The following LRRC63 variants were observed in gnomAD, a reference collection of about 807,000 sequenced individuals.
LRRC63 encodes leucine-rich repeat-containing protein 63.
Under a neutral mutation model 49.5 loss-of-function variants are expected in LRRC63, and 40 were observed. The observed-to-expected ratio is 0.81, with a 90% CI of 0.63 to 1.05. LRRC63 has a LOEUF of 1.05. LRRC63 is among the 50% of genes least tolerant of loss of function. The pLI is 0.00. For synonymous variants in LRRC63, 191 were observed against 221.1 expected, an observed-to-expected ratio of 0.86 and a Z score of 1.21; for missense variants, 636 against 663.1, an observed-to-expected ratio of 0.96 and a Z score of 0.45.
intron 5 of LRRC63, among the ~76,000 whole-genome samples, chr13:46,243,242 CA>C (rs1226782635): frequency 1.3e-5 from 2 of 152,156 alleles, no homozygotes; most frequent in African/African-American, 4.8e-5. Flanking sequence ...AAGTTGTCAT[CA>C]GTTTAAAATT....
intron 7 of LRRC63, among the ~76,000 whole-genome samples, chr13:46,258,764 A>G (rs1594089895): frequency 6.8e-6 from 1 of 146,356 alleles, no homozygotes; most frequent in East Asian, 2.1e-4. Context: ...AGCCAAGATC[A>G]CACCACTGCA....
chr13:46,222,691 C>T (rs1010331094), intron 2 of LRRC63, among the ~76,000 whole-genome samples: 19 of 151,778 alleles, frequency 1.3e-4, no homozygotes, highest in Middle Eastern at 3.4e-3. Context: ...TACCATTTGA[C>T]CCAGCCATCC....
chr13:46,224,430 A>G (rs1050848734), intron 2 of LRRC63, among the ~76,000 whole-genome samples: 2 of 152,060 alleles, frequency 1.3e-5, no homozygotes, highest in African/African-American at 4.8e-5. Flanking sequence ...AAAAATATCT[A>G]TCTATCTCTT....
At chr13:46,230,086 G>T (rs1212891817) in intron 4 of LRRC63, among the ~76,000 whole-genome samples, 2 of 152,076 alleles carry the variant, frequency 1.3e-5, no homozygotes, top group East Asian at 1.9e-4. Flanking sequence ...CTCCCACCAG[G>T]CCCCATGTCC....
At chr13:46,219,965 T>G (rs139611394) in intron 2 of LRRC63, among the ~76,000 whole-genome samples, 2,316 of 152,284 alleles carry the variant, frequency 0.015, 58 homozygotes, top group African/African-American at 0.052. Context: ...TGCCTGCTTC[T>G]TCCACTGGAA....
intron 9 of LRRC63, among the ~76,000 whole-genome samples, chr13:46,273,693 C>T (rs1194579037): frequency 6.6e-6 from 1 of 151,378 alleles, no homozygotes; most frequent in Non-Finnish European, 1.5e-5. Flanking sequence ...AGGCTGATCA[C>T]CTGAGGTCAG....
intron 2 of LRRC63, among the ~76,000 whole-genome samples, chr13:46,219,123 A>G (rs2046335652): frequency 6.6e-6 from 1 of 151,942 alleles, no homozygotes; most frequent in Non-Finnish European, 1.5e-5. Flanking sequence ...TGTTCCCTGT[A>G]TTTCCTGAAT....
chr13:46,250,465 T>A, exon 7 of LRRC63: 1 of 1,535,630 alleles, frequency 6.5e-7, no homozygotes, highest in Non-Finnish European at 8.8e-7. Context: ...CCATTGCTTT[T>A]AATTTAATTA....
At chr13:46,269,878 A>T (rs1055415927) in intron 9 of LRRC63, among the ~76,000 whole-genome samples, 52 of 145,662 alleles carry the variant, frequency 3.6e-4, no homozygotes, top group African/African-American at 1.3e-3. Context: ...AGATATATCT[A>T]CTGTATAGAT....
rs184047421 is a variant in LRRC63 at position 46,240,785 on chromosome 13, C to T, written c.991-5742C>T. Reference sequence around the variant, plus strand: ...GAATACAGCTAACCAAGGATGTGAACGATCTCTACAAGGAGAACTATGAAA... The same window carrying T: ...GAATACAGCTAACCAAGGATGTGAATGATCTCTACAAGGAGAACTATGAAA... On this transcript the variant is annotated intron_variant, in intron 5 of 9. Coordinates refer to ENST00000595396, the Ensembl canonical transcript of LRRC63. 1.2e-3 allele frequency among the ~76,000 whole-genome samples: 189 copies of T among 152,106 alleles called. 1 individual carries two copies. The highest frequency in any genetic ancestry group is 4.3e-3 in the African/African-American group (178 of 41,494).
chr13:46,255,645 A>AAAAAAAAAAAAAAAAATATATAT (rs1555328641), intron 7 of LRRC63, among the ~76,000 whole-genome samples: 2 of 129,468 alleles, frequency 1.5e-5, no homozygotes, highest in African/African-American at 5.8e-5. Context: ...CCCTGCCTCA[A>AAAAAAAAAAAAAAAAATATATAT]ATATATATAT....
At chr13:46,240,602 G>T (rs75095977) in intron 5 of LRRC63, among the ~76,000 whole-genome samples, 145 of 152,164 alleles carry the variant, frequency 9.5e-4, no homozygotes, top group African/African-American at 3.4e-3. Flanking sequence ...CAGCCCAAAA[G>T]CTCCTTAAGC....
intron 7 of LRRC63, among the ~76,000 whole-genome samples, chr13:46,251,350 T>A (rs1440946578): frequency 6.6e-6 from 1 of 151,884 alleles, no homozygotes; most frequent in Non-Finnish European, 1.5e-5. Context: ...ATAAAATGCA[T>A]ATACATATCA....
chr13:46,234,352 A>C lies in LRRC63; in HGVS notation c.990+3A>C, dbSNP rs1438567578. ...GGAGAAATGCACTTAATCTGAAGGTATGCTAGATCTTTTTAATGACAGTGC... is the reference window on the plus strand; with the variant it reads ...GGAGAAATGCACTTAATCTGAAGGTCTGCTAGATCTTTTTAATGACAGTGC... On this transcript the variant is annotated splice_donor_region_variant and intron_variant, in intron 5 of 9. Coordinates refer to ENST00000595396, the Ensembl canonical transcript of LRRC63. 3.9e-6 allele frequency: 6 copies of C among 1,548,392 alleles called. No individual in the cohort carries two copies. In the African/African-American group the frequency reaches 8.2e-5, roughly 21 times the overall value.
chr13:46,251,357 A>G (rs193074902), intron 7 of LRRC63, among the ~76,000 whole-genome samples: 189 of 152,054 alleles, frequency 1.2e-3, no homozygotes, highest in African/African-American at 4.2e-3. Context: ...GCATATACAT[A>G]TCACACATTA....
chr13:46,217,856 C>T (rs1267599454), intron 2 of LRRC63, among the ~76,000 whole-genome samples: 1 of 152,106 alleles, frequency 6.6e-6, no homozygotes, highest in Non-Finnish European at 1.5e-5. Flanking sequence ...GCCTGAATTT[C>T]GTTATTTACC....
chr13:46,248,063 AG>A (rs2047266062), intron 6 of LRRC63, among the ~76,000 whole-genome samples: 1 of 152,080 alleles, frequency 6.6e-6, no homozygotes, highest in African/African-American at 2.4e-5. Context: ...ATAAATCTGA[AG>A]TAAATTCTGA....
chr13:46,255,954 T>C (rs1211362289), intron 7 of LRRC63, among the ~76,000 whole-genome samples: 1 of 152,174 alleles, frequency 6.6e-6, no homozygotes, highest in East Asian at 1.9e-4. Context: ...AAAAGTTGAT[T>C]GATACAACAA....
chr13:46,238,106 A>G (rs1018825170), intron 5 of LRRC63, among the ~76,000 whole-genome samples: 1 of 152,202 alleles, frequency 6.6e-6, no homozygotes, highest in African/African-American at 2.4e-5. Context: ...AGACATAACT[A>G]TCCTAAATAT....
Sources: allele counts gnomAD v4.1 joint callset (sites outside exome capture counted in the v4.1 genomes callset), GRCh38; gene constraint gnomAD v4.1.1; transcripts MANE v1.5; gene names NCBI Gene and HGNC (gene_info 2026-07-23, HGNC 2026-07-21).